Variants in USB1 observed in about 807,000 individuals in gnomAD.
USB1 encodes U6 snRNA phosphodiesterase 1.
In USB1, 21 loss-of-function variants were observed where a neutral mutation model predicts 29.9. The ratio of observed to expected loss-of-function variants is 0.70; its 90% CI spans 0.50 to 1.01. The LOEUF (loss-of-function observed/expected upper bound fraction) is 1.01, where lower values mean the gene tolerates loss of function less well. Among genes scored for constraint, USB1 ranks in the 50% least tolerant of loss-of-function variants. The probability of loss-of-function intolerance (pLI) is 0.00; values close to 1 mark genes in which losing one functional copy is unlikely to be tolerated. For missense variants in USB1, 330 were observed against 347.1 expected (o/e 0.95, Z 0.39); for synonymous variants, 143 against 134.9 (o/e 1.06, Z -0.42).
intron 4 of USB1, 162 bp from the exon 5 acceptor site, chr16:58,017,171 AC>A (rs1963635021): frequency 2.9e-6 from 2 of 687,488 alleles, no homozygotes; most frequent in Admixed American, 4.3e-5. Flanking sequence ...GAATCTGAGG[AC>A]TGAGAGAGTT....
chr16:58,016,963 C>CATTAAAAA, intron 4 of USB1: 2 of 320,730 alleles, frequency 6.2e-6, no homozygotes, highest in Admixed American at 4.5e-5. Context: ...TGCCTGGGAG[C>CATTAAAAA]AAAGTCCTCG....
chr16:58,010,895 C>G, intron 3 of USB1: 3 of 665,082 alleles, frequency 4.5e-6, no homozygotes, highest in Non-Finnish European at 8.2e-6. Flanking sequence ...TTTACGGAGG[C>G]TTCATCACAT....
intron 4 of USB1, chr16:58,016,899 A>G (rs896034378): frequency 3.1e-5 from 8 of 257,922 alleles, no homozygotes; most frequent in Non-Finnish European, 4.6e-5. Context: ...GGTTCAGGGG[A>G]GAGTTTTTAA....
chr16:58,011,193 G>C, intron 3 of USB1: 2 of 1,521,700 alleles, frequency 1.3e-6, no homozygotes, highest in Non-Finnish European at 1.8e-6. Flanking sequence ...TAGGATCTCT[G>C]TGTCAGGAAC....
chr16:58,006,367 A>C (rs28757298), intron 2 of USB1, among the ~76,000 whole-genome samples: 6,743 of 117,100 alleles, frequency 0.058, 88 homozygotes, highest in East Asian at 0.09. Flanking sequence ...AAAAAAAAAA[A>C]CAAAAAAAAA....
rs758357702 is a variant in USB1 at position 58,017,428 on chromosome 16, A to G, written c.598A>G (p.Thr200Ala). ...DRVMEEFNLT[T>A]FYQDPSFHLS... ...AGTCATGGAGGAATTCAACCTCACC[A>G]CTTTCTACCAGGTAATGAATGGGGC... Residue 200 changes from threonine to alanine, a missense_variant, in exon 5 of 7, where the codon ACT becomes GCT. Physicochemically the swap from Thr to Ala is moderately conservative, Grantham distance 58 (BLOSUM62 0). Coordinates refer to ENST00000219281, the MANE Select transcript of USB1 (RefSeq NM_024598.4). The G allele has an allele frequency of 6.8e-6, 11 of 1,613,896 alleles. No individual in the cohort carries two copies. The highest frequency in any genetic ancestry group is 3.3e-5 in the South Asian group (3 of 91,084).
Position 58,001,429 on chromosome 16 carries a change from G to C in USB1, c.-55G>C. 1.3e-6 allele frequency: 2 copies of C among 1,551,614 alleles called. No homozygotes were observed. Among genetic ancestry groups the C allele is most frequent in the Non-Finnish European group, 1.7e-6 (2 of 1,146,318 alleles). ...GGCGCTTCCGGCACAGCGGAACTCCGGGTGCCGGTTGAGGTTGCTGGTGGA... is the reference window on the plus strand; with the variant it reads ...GGCGCTTCCGGCACAGCGGAACTCCCGGTGCCGGTTGAGGTTGCTGGTGGA... On this transcript the variant is annotated 5_prime_UTR_variant, in exon 1 of 7. Coordinates refer to ENST00000219281, the MANE Select transcript of USB1 (RefSeq NM_024598.4).
chr16:58,003,491 A>G (rs1056087670), intron 2 of USB1, among the ~76,000 whole-genome samples: 3 of 152,184 alleles, frequency 2.0e-5, no homozygotes, highest in Admixed American at 6.5e-5. Flanking sequence ...TCCAGCAATT[A>G]CATTCCTTGG....
In USB1 at chr16:58,017,322, T is replaced by C. The variant is rs965240648; in HGVS notation, c.504-12T>C. The stretch of plus-strand genomic sequence containing the variant: ...GCTACATCTCATGCCTGCGTTGTCT[T>C]CCTCTCCCCAGGACCTTTATTGGGC... On this transcript the variant is annotated splice_polypyrimidine_tract_variant and intron_variant, in intron 4 of 6. Transcript: ENST00000219281. 1.2e-6 allele frequency: 2 copies of C among 1,612,498 alleles called. No homozygotes were observed. The highest frequency in any genetic ancestry group is 1.7e-6 in the Non-Finnish European group (2 of 1,178,752).
intron 3 of USB1, chr16:58,011,843 A>C (rs938307817): frequency 4.0e-6 from 4 of 991,738 alleles, no homozygotes; most frequent in Non-Finnish European, 4.8e-6. Context: ...CTCTGCTCAC[A>C]GTAGACATCA....
Position 58,011,392 on chromosome 16 carries a change from T to G in USB1, c.449+1280T>G, listed in dbSNP as rs1012503887. ...TGGTTTTGTCTGCCAGCCTGGGGCT[T>G]TTTTTTTCCCCTTACCTATTAGATT... is the stretch of plus-strand genomic sequence containing the variant. On this transcript the variant is annotated intron_variant, in intron 3 of 6. Transcript: ENST00000219281. 54 of 1,198,530 alleles carry G rather than the reference T, an allele frequency of 4.5e-5. No homozygotes were observed. The African/African-American group carries it at 7.9e-4, about 18-fold the overall frequency. 74.2% of individuals were successfully genotyped at this position (1,198,530 alleles called of 1,614,324 possible).
At position 58,018,976 on chromosome 16, in the gene USB1, C is replaced by T; in HGVS notation, c.614C>T (p.Pro205Leu). ...EFNLTTFYQD[P>L]SFHLSLAWCV... ...GCCTCTCGTTTCCCTCCCCAGGATC[C>T]TTCTTTCCACCTCAGCCTGGCCTGG... Residue 205 changes from proline (P) to leucine (L), a missense_variant, in exon 6 of 7, where the codon CCT becomes CTT. Physicochemically the swap from Pro to Leu is moderately conservative, Grantham distance 98. Transcript: ENST00000219281. The T allele has an allele frequency of 6.2e-7, 1 of 1,614,190 alleles. No homozygotes were observed.
intron 2 of USB1, among the ~76,000 whole-genome samples, chr16:58,009,263 T>C (rs1963434807): frequency 6.6e-6 from 1 of 152,192 alleles, no homozygotes; most frequent in Non-Finnish European, 1.5e-5. Context: ...ACTGGGAACT[T>C]CCCACACGCT....
chr16:58,001,360 G>C (rs1399799032), upstream of USB1: 1 of 1,152,128 alleles, frequency 8.7e-7, no homozygotes. Context: ...GCCCCTCCCG[G>C]CTCCGCCCCG....
At chr16:58,007,491 C>T (rs1297912206) in intron 2 of USB1, among the ~76,000 whole-genome samples, 2 of 152,094 alleles carry the variant, frequency 1.3e-5, no homozygotes, top group African/African-American at 4.8e-5. Context: ...AAGCTATTCT[C>T]CTGCCTCAGC....
intron 2 of USB1, among the ~76,000 whole-genome samples, chr16:58,006,710 C>G (rs1288179997): frequency 6.6e-6 from 1 of 152,062 alleles, no homozygotes; most frequent in Non-Finnish European, 1.5e-5. Flanking sequence ...AATCTGTATA[C>G]CTTTTATTTC....
chr16:58,006,238 G>A (rs1032807979), intron 2 of USB1, among the ~76,000 whole-genome samples: 1 of 151,382 alleles, frequency 6.6e-6, no homozygotes, highest in Non-Finnish European at 1.5e-5. Context: ...TGTAGTCCCA[G>A]CTACTTGGGA....
intron 2 of USB1, among the ~76,000 whole-genome samples, chr16:58,009,117 C>T (rs1963429987): frequency 6.6e-6 from 1 of 152,174 alleles, no homozygotes; most frequent in Non-Finnish European, 1.5e-5. Context: ...TCCTCGATAG[C>T]TGGACATGAA....
chr16:58,012,480 G>A, intron 3 of USB1: 2 of 1,170,276 alleles, frequency 1.7e-6, no homozygotes, highest in South Asian at 2.8e-5. Context: ...ACCACCACAG[G>A]CAGACTGTTC....
Sources: gnomAD v4.1 joint callset for allele counts (sites outside exome capture counted in the v4.1 genomes callset) on GRCh38, gnomAD v4.1.1 for gene constraint, MANE v1.5 for transcripts, NCBI Gene and HGNC (gene_info 2026-07-23, HGNC 2026-07-21) for gene names.